Variants in HAT1 observed in about 807,000 individuals in gnomAD.
HAT1 encodes histone acetyltransferase type B catalytic subunit.
HAT1 carries 20 observed loss-of-function variants against 56.6 expected under a neutral mutation model. That is an observed-to-expected ratio of 0.35 (90% CI 0.25 to 0.51). HAT1 has a LOEUF of 0.51. HAT1 is among the 20% of genes least tolerant of loss of function. HAT1 has a pLI of 0.95. For missense variants in HAT1, 408 were observed against 504.3 expected, an observed-to-expected ratio of 0.81 and a Z score of 1.83; for synonymous variants, 146 against 165.5, an observed-to-expected ratio of 0.88 and a Z score of 0.91.
chr2:171,966,800 C>T, intron 7 of HAT1, 43 bp from the exon 8 acceptor site: 1 of 899,230 alleles, frequency 1.1e-6, no homozygotes, highest in South Asian at 1.4e-5. Flanking sequence ...TTAAACTGGT[C>T]ATGTTATGAT....
intron 4 of HAT1, among the ~76,000 whole-genome samples, chr2:171,958,496 C>T (rs1399739211): frequency 6.6e-6 from 1 of 151,860 alleles, no homozygotes; most frequent in Non-Finnish European, 1.5e-5. Flanking sequence ...CTATAGTGCC[C>T]AGACTGGCCT....
intron 2 of HAT1, 47 bp downstream of exon 2, chr2:171,925,688 A>T (rs765642590): frequency 1.3e-6 from 1 of 765,418 alleles, no homozygotes; most frequent in South Asian, 1.6e-5. Flanking sequence ...CTGTGTGTGT[A>T]TATATAATCT....
chr2:171,963,518 G>A (rs973861702), intron 4 of HAT1, among the ~76,000 whole-genome samples: 1 of 152,098 alleles, frequency 6.6e-6, no homozygotes, highest in Non-Finnish European at 1.5e-5. Flanking sequence ...GAGAAGACAG[G>A]ACATAAGGAA....
At chr2:171,948,640 A>G (rs1687230484) in intron 3 of HAT1, among the ~76,000 whole-genome samples, 1 of 152,178 alleles carries the variant, frequency 6.6e-6, no homozygotes, top group Non-Finnish European at 1.5e-5. Context: ...ATCATATTGT[A>G]TTTCGTTGCC....
chr2:171,926,227 T>C (rs1451845982), intron 2 of HAT1, among the ~76,000 whole-genome samples: 1 of 152,128 alleles, frequency 6.6e-6, no homozygotes, highest in Non-Finnish European at 1.5e-5. Flanking sequence ...AGGCAGTCCT[T>C]CTGCCTCAGC....
chr2:171,922,954 T>G (rs1402594313), intron 1 of HAT1: 4 of 163,752 alleles, frequency 2.4e-5, no homozygotes, highest in African/African-American at 9.5e-5. Context: ...AGTCAACTTC[T>G]GAGCTAGCGC....
At chr2:171,950,351 T>A (rs1343204820) in intron 3 of HAT1, among the ~76,000 whole-genome samples, 1 of 151,914 alleles carries the variant, frequency 6.6e-6, no homozygotes, top group East Asian at 1.9e-4. Context: ...TTTTTTTTTT[T>A]TGTAATTTTA....
At chr2:171,970,051 T>C (rs1052806594) in intron 8 of HAT1, among the ~76,000 whole-genome samples, 2 of 152,090 alleles carry the variant, frequency 1.3e-5, no homozygotes, top group African/African-American at 4.8e-5. Flanking sequence ...AGCCAGCTAC[T>C]TGGGGGACTG....
chr2:171,974,872 GA>G (rs1227226870), intron 8 of HAT1, among the ~76,000 whole-genome samples: 2 of 152,064 alleles, frequency 1.3e-5, no homozygotes, highest in African/African-American at 4.8e-5. Flanking sequence ...TACATTAATT[GA>G]TTTTTTTTGG....
At chr2:171,977,553 ATATATTTTTTT>A (rs1169573842) in intron 9 of HAT1, among the ~76,000 whole-genome samples, 7 of 10,944 alleles carry the variant, frequency 6.4e-4, no homozygotes, top group Admixed American at 1.6e-3. Context: ...ATATATATAT[ATATATTTTTTT>A]TTTTTTTTTT....
chr2:171,925,912 A>G (rs1411702568), intron 2 of HAT1, among the ~76,000 whole-genome samples: 1 of 152,150 alleles, frequency 6.6e-6, no homozygotes, highest in Admixed American at 6.6e-5. Context: ...TCTTAAAAAT[A>G]TTTTTTACTT....
At chr2:171,944,614 G>A (rs919817192) in intron 2 of HAT1, among the ~76,000 whole-genome samples, 5 of 152,042 alleles carry the variant, frequency 3.3e-5, no homozygotes, top group African/African-American at 1.2e-4. Flanking sequence ...TACAGTCAGG[G>A]GTCCTAGAGC....
At chr2:171,934,503 T>C (rs1686818344) in intron 2 of HAT1, among the ~76,000 whole-genome samples, 1 of 152,218 alleles carries the variant, frequency 6.6e-6, no homozygotes, top group Non-Finnish European at 1.5e-5. Context: ...TGAATGCTTC[T>C]GTTTCCTAAG....
intron 3 of HAT1, among the ~76,000 whole-genome samples, chr2:171,948,643 T>C (rs1214588822): frequency 1.3e-5 from 2 of 152,232 alleles, no homozygotes; most frequent in Admixed American, 1.3e-4. Context: ...ATATTGTATT[T>C]CGTTGCCATA....
At chr2:171,962,833 G>A (rs911475414) in intron 4 of HAT1, among the ~76,000 whole-genome samples, 10 of 152,130 alleles carry the variant, frequency 6.6e-5, no homozygotes, top group African/African-American at 2.4e-4. Flanking sequence ...ATTTTTCAGT[G>A]ATCTTCAGAA....
chr2:171,922,825 C>G (rs1012066279), intron 1 of HAT1: 9 of 347,414 alleles, frequency 2.6e-5, no homozygotes, highest in African/African-American at 4.2e-5. Context: ...GTTTCTCTTC[C>G]CATTCCTTTT....
intron 10 of HAT1, among the ~76,000 whole-genome samples, chr2:171,981,686 A>G (rs1033431885): frequency 6.6e-6 from 1 of 152,188 alleles, no homozygotes; most frequent in African/African-American, 2.4e-5. Flanking sequence ...AGTTCCTCAT[A>G]GTGTCATTTC....
chr2:171,951,391 A>ACCC (rs1687303405), intron 3 of HAT1, among the ~76,000 whole-genome samples: 1 of 152,062 alleles, frequency 6.6e-6, no homozygotes, highest in Non-Finnish European at 1.5e-5. Flanking sequence ...GTAATATCTT[A>ACCC]GTAGATAAGA....
intron 4 of HAT1, among the ~76,000 whole-genome samples, chr2:171,962,480 C>T (rs1278455906): frequency 1.3e-5 from 2 of 152,168 alleles, no homozygotes; most frequent in African/African-American, 2.4e-5. Flanking sequence ...CTGCAACCTC[C>T]GCCTCCCAAG....
Sources: allele counts gnomAD v4.1 joint callset (sites outside exome capture counted in the v4.1 genomes callset), GRCh38; gene constraint gnomAD v4.1.1; transcripts MANE v1.5; gene names NCBI Gene and HGNC (gene_info 2026-07-23, HGNC 2026-07-21).